CHRM3: variants seen among roughly 807,000 people sequenced by gnomAD.
CHRM3 encodes the protein muscarinic acetylcholine receptor M3.
CHRM3 carries 11 observed loss-of-function variants against 41.8 expected under a neutral mutation model. That is an observed-to-expected ratio of 0.26 (90% CI 0.17 to 0.44). The LOEUF is 0.44. CHRM3 is among the 20% of genes least tolerant of loss of function. The pLI is 1.00. For synonymous variants in CHRM3, 297 were observed against 301.4 expected (o/e 0.99, Z 0.15); for missense variants, 571 against 745.4 (o/e 0.77, Z 2.72).
intron 3 of CHRM3, among the ~76,000 whole-genome samples, chr1:239,572,931 A>G (rs1178752472): frequency 1.3e-5 from 2 of 152,152 alleles, no homozygotes; most frequent in South Asian, 2.1e-4. Flanking sequence ...CTTAGAATTT[A>G]GCTTTCTTTC....
intron 1 of CHRM3, among the ~76,000 whole-genome samples, chr1:239,474,757 G>C (rs1666355511): frequency 6.6e-6 from 1 of 152,056 alleles, no homozygotes; most frequent in Non-Finnish European, 1.5e-5. Flanking sequence ...GTTGCAGAAG[G>C]TGGGCTACTG....
intron 5 of CHRM3, among the ~76,000 whole-genome samples, chr1:239,716,937 A>G (rs1330740744): frequency 2.0e-5 from 3 of 152,064 alleles, no homozygotes; most frequent in Non-Finnish European, 1.5e-5. Flanking sequence ...TCCATATGGC[A>G]TATTTGAAGA....
chr1:239,816,575 C>T lies in CHRM3; in HGVS notation c.-146-10677C>T, dbSNP rs143284726. On this transcript the variant is annotated intron_variant, in intron 5 of 6. Coordinates refer to ENST00000676153, the MANE Select transcript of CHRM3 (RefSeq NM_001375978.1). ...CTCCCCAGGCCTGCTTGCCCTTCTC[C>T]TGGTCCAGGAAGTACCAAGCAAGGT... is the stretch of plus-strand genomic sequence containing the variant. Among the ~76,000 whole-genome samples the T allele has an allele frequency of 1.2e-3, 180 of 152,188 alleles. 3 individuals carry two copies. Among genetic ancestry groups the T allele is most frequent in the African/African-American group, 4.1e-3 (171 of 41,530 alleles).
At chr1:239,498,144 A>G (rs1248673591) in intron 2 of CHRM3, among the ~76,000 whole-genome samples, 1 of 152,116 alleles carries the variant, frequency 6.6e-6, no homozygotes, top group Admixed American at 6.6e-5. Flanking sequence ...GAGCATTACC[A>G]ATTTTAGGAA....
chr1:239,487,725 C>T (rs1270449494), intron 1 of CHRM3, among the ~76,000 whole-genome samples: 2 of 151,646 alleles, frequency 1.3e-5, no homozygotes, highest in Non-Finnish European at 2.9e-5. Context: ...AAGATAGTAT[C>T]ATTTTTTTCA....
At chr1:239,702,373 G>T (rs1376218083) in intron 5 of CHRM3, among the ~76,000 whole-genome samples, 1 of 152,060 alleles carries the variant, frequency 6.6e-6, no homozygotes, top group African/African-American at 2.4e-5. Flanking sequence ...TGTAAGTTCT[G>T]GTTTTGCAAA....
At chr1:239,408,441 G>T (rs1294058487) in intron 1 of CHRM3, among the ~76,000 whole-genome samples, 1 of 149,196 alleles carries the variant, frequency 6.7e-6, no homozygotes, top group Non-Finnish European at 1.5e-5. Flanking sequence ...GGAGAATAGC[G>T]TGAACCCGGG....
chr1:239,815,616 G>A (rs929299615), intron 5 of CHRM3, among the ~76,000 whole-genome samples: 1 of 152,176 alleles, frequency 6.6e-6, no homozygotes, highest in African/African-American at 2.4e-5. Flanking sequence ...TAAGCTTATA[G>A]ACTAAAGCAT....
chr1:239,703,633 A>G (rs2148124806), intron 5 of CHRM3: 1 of 152,324 alleles, frequency 6.6e-6, no homozygotes, highest in East Asian at 1.9e-4. Context: ...GAGAAATATC[A>G]TTAAAGTGAT....
intron 2 of CHRM3, among the ~76,000 whole-genome samples, chr1:239,511,978 G>A (rs1668954300): frequency 6.6e-6 from 1 of 152,132 alleles, no homozygotes; most frequent in African/African-American, 2.4e-5. Flanking sequence ...GATGAGTGTG[G>A]ATTGGAGAGA....
chr1:239,580,734 A>ACACACACACAC (rs1558337296), intron 3 of CHRM3, among the ~76,000 whole-genome samples: 3 of 89,106 alleles, frequency 3.4e-5, no homozygotes, highest in African/African-American at 9.4e-5. Flanking sequence ...CACACACACA[A>ACACACACACAC]GTGCATATAT....
intron 1 of CHRM3, among the ~76,000 whole-genome samples, chr1:239,404,444 A>AAG (rs1223895537): frequency 2.2e-5 from 3 of 139,284 alleles, no homozygotes; most frequent in African/African-American, 8.0e-5. Context: ...GAAAGAAAGA[A>AAG]AGAAAGAAAG....
At chr1:239,411,453 G>C (rs867759558) in intron 1 of CHRM3, among the ~76,000 whole-genome samples, 1 of 152,116 alleles carries the variant, frequency 6.6e-6, no homozygotes, top group South Asian at 2.1e-4. Flanking sequence ...TGGACCGGGC[G>C]TGGTGGCTCA....
chr1:239,742,475 G>T (rs1253802438), intron 5 of CHRM3, among the ~76,000 whole-genome samples: 5 of 152,038 alleles, frequency 3.3e-5, no homozygotes, highest in Non-Finnish European at 7.3e-5. Context: ...CCTCTATATG[G>T]CCAATCCAGC....
intron 6 of CHRM3, among the ~76,000 whole-genome samples, chr1:239,891,457 T>G (rs939847413): frequency 1.9e-4 from 29 of 152,184 alleles, no homozygotes; most frequent in Admixed American, 1.6e-3. Context: ...CATAAAGAGT[T>G]GCACCTTGAG....
chr1:239,831,524 A>G (rs1417342661), intron 6 of CHRM3, among the ~76,000 whole-genome samples: 1 of 152,224 alleles, frequency 6.6e-6, no homozygotes, highest in East Asian at 1.9e-4. Flanking sequence ...GGCCATTTTA[A>G]CAGACATAAG....
At chr1:239,392,914 T>A (rs1198085123) in intron 1 of CHRM3, among the ~76,000 whole-genome samples, 2 of 152,186 alleles carry the variant, frequency 1.3e-5, no homozygotes, top group Non-Finnish European at 2.9e-5. Context: ...ACAGGCCAAT[T>A]CTTGCCCACA....
chr1:239,535,272 T>C (rs764995804), intron 2 of CHRM3, among the ~76,000 whole-genome samples: 4 of 152,062 alleles, frequency 2.6e-5, no homozygotes, highest in Non-Finnish European at 5.9e-5. Flanking sequence ...TTAAACTCAC[T>C]TGGAGAATTC....
At chr1:239,573,153 CT>C (rs1263286797) in intron 3 of CHRM3, among the ~76,000 whole-genome samples, 4 of 152,066 alleles carry the variant, frequency 2.6e-5, no homozygotes, top group African/African-American at 7.2e-5. Context: ...TCCTCGCATT[CT>C]TTTTTTCCCC....
Sources: gnomAD v4.1 joint callset for allele counts (sites outside exome capture counted in the v4.1 genomes callset) on GRCh38, gnomAD v4.1.1 for gene constraint, MANE v1.5 for transcripts, NCBI Gene and HGNC (gene_info 2026-07-23, HGNC 2026-07-21) for gene names.